SH3GL1: variants seen among roughly 807,000 people sequenced by gnomAD.
SH3GL1 encodes the protein SH3 domain containing GRB2 like 1, endophilin A2.
In SH3GL1, 21 loss-of-function variants were observed where a neutral mutation model predicts 48.8. The observed-to-expected ratio is 0.43, with a 90% CI of 0.30 to 0.62. The LOEUF (loss-of-function observed/expected upper bound fraction) is 0.62. Ranked by LOEUF, SH3GL1 falls within the 20% of genes least tolerant of loss-of-function variation. SH3GL1 has a pLI of 0.11. For synonymous variants in SH3GL1, 282 were observed against 217.5 expected (o/e 1.30, Z -2.61); for missense variants, 454 against 503.0 (o/e 0.90, Z 0.93).
chr19:4,375,385 G>A (rs761988684), intron 1 of SH3GL1, among the ~76,000 whole-genome samples: 2 of 152,244 alleles, frequency 1.3e-5, no homozygotes, highest in Non-Finnish European at 2.9e-5. Flanking sequence ...CACCAACCCT[G>A]GCTCTGCCTG....
At chr19:4,382,463 T>G (rs1973155202) in intron 1 of SH3GL1, among the ~76,000 whole-genome samples, 2 of 151,964 alleles carry the variant, frequency 1.3e-5, no homozygotes, top group Non-Finnish European at 1.5e-5. Flanking sequence ...TTCACCGTGT[T>G]AGCCAGGATG....
In SH3GL1 at chr19:4,378,248, G is replaced by A. The variant is rs187259567; in HGVS notation, c.46-11254C>T. ...TAACACATCAGAGCAAAGGTGTGCC[G>A]TAACGCCACGAGGCAAGCAGGCTGA... On this transcript the variant is annotated intron_variant, in intron 1 of 9. Coordinates refer to ENST00000269886, the MANE Select transcript of SH3GL1 (RefSeq NM_003025.4). Among the ~76,000 whole-genome samples, 24 of 152,312 alleles carry A rather than the reference G, an allele frequency of 1.6e-4. No homozygotes were observed. The East Asian group carries it at 1.7e-3, about 11-fold the overall frequency.
In SH3GL1 at chr19:4,365,632, T is replaced by C. The variant is rs745653428; in HGVS notation, c.188-7A>G. On this transcript the variant is annotated splice_region_variant and splice_polypyrimidine_tract_variant and intron_variant, in intron 3 of 9. Coordinates refer to ENST00000269886, the MANE Select transcript of SH3GL1 (RefSeq NM_003025.4). Reference sequence around the variant, plus strand: ...GTCAGCTTAGCCCGCGAGGCTGGGATAGGATGGCCAGGTGGGTGTGGGCTG... The same window carrying C: ...GTCAGCTTAGCCCGCGAGGCTGGGACAGGATGGCCAGGTGGGTGTGGGCTG... 9 of 1,613,656 alleles carry C rather than the reference T, an allele frequency of 5.6e-6. No homozygotes were observed. Among genetic ancestry groups the C allele is most frequent in the South Asian group, 2.2e-5 (2 of 91,094 alleles).
At chr19:4,391,522 C>G (rs988432670) in intron 1 of SH3GL1, among the ~76,000 whole-genome samples, 3 of 152,200 alleles carry the variant, frequency 2.0e-5, no homozygotes, top group African/African-American at 7.2e-5. Flanking sequence ...CTGGGACCTA[C>G]TGTACAGCAG....
chr19:4,361,725 G>A lies in SH3GL1; in HGVS notation c.982C>T (p.His328Tyr), dbSNP rs1349626134. The change falls in exon 10 of 10, where the codon CAT becomes TAT. Residue 328 changes from histidine (H) to tyrosine (Y), a missense_variant. Transcript: ENST00000269886. ...EPENDGELGFHEGDVITLTNQ... is the reference protein window; with the variant it reads ...EPENDGELGFYEGDVITLTNQ... ...GTCAGCGTGATGACGTCGCCCTCATGGAAGCCCAGCTCCCCGTCGTTCTCG... is the reference window on the plus strand; with the variant it reads ...GTCAGCGTGATGACGTCGCCCTCATAGAAGCCCAGCTCCCCGTCGTTCTCG... 6.2e-7 allele frequency: 1 copy of A among 1,613,278 alleles called. No individual in the cohort carries two copies.
chr19:4,382,253 CTTTTTTT>C (rs34085741), intron 1 of SH3GL1, among the ~76,000 whole-genome samples: 1 of 102,350 alleles, frequency 9.8e-6, no homozygotes, highest in Non-Finnish European at 1.9e-5. Flanking sequence ...GCTCCGCTTT[CTTTTTTT>C]TTTTTTTTTT....
intron 1 of SH3GL1, among the ~76,000 whole-genome samples, chr19:4,397,958 T>A (rs1230395711): frequency 1.3e-5 from 2 of 152,142 alleles, no homozygotes; most frequent in Admixed American, 1.3e-4. Context: ...GTGGTCCTCC[T>A]GCCTCAGCCT....
intron 1 of SH3GL1, among the ~76,000 whole-genome samples, chr19:4,381,762 G>A (rs1415924639): frequency 7.5e-6 from 1 of 133,368 alleles, no homozygotes; most frequent in African/African-American, 2.9e-5. Flanking sequence ...GCGCGATCTT[G>A]GCTCACTGCA....
Position 4,363,852 on chromosome 19 carries a change from G to A in SH3GL1, c.492C>T (p.Arg164=). Residue 164 remains arginine, a synonymous_variant, in exon 6 of 10, where the codon CGC becomes CGT. Coordinates refer to ENST00000269886, the MANE Select transcript of SH3GL1 (RefSeq NM_003025.4). The part of the protein sequence containing the change: ...IQHHLKKLEG[R]RLDFDYKKKR... The stretch of plus-strand genomic sequence containing the variant: ...TCTTCTTGTAGTCAAAGTCCAGGCG[G>A]CGGCCCTCCAGTTTCTTCAGGTGGT... The A allele has an allele frequency of 6.2e-7, 1 of 1,612,832 alleles. No homozygotes were observed. Among genetic ancestry groups the A allele is most frequent in the South Asian group, 1.1e-5 (1 of 91,036 alleles).
intron 1 of SH3GL1, among the ~76,000 whole-genome samples, chr19:4,373,113 G>A (rs576263597): frequency 8.7e-5 from 10 of 115,388 alleles, no homozygotes; most frequent in African/African-American, 1.1e-4. Context: ...GGAGGGGGAG[G>A]GAGAGGAGCA....
At chr19:4,381,058 C>CCT (rs1358690822) in intron 1 of SH3GL1, among the ~76,000 whole-genome samples, 1 of 143,928 alleles carries the variant, frequency 6.9e-6, no homozygotes, top group African/African-American at 2.6e-5. Flanking sequence ...GTTCCCCCAG[C>CCT]CTCTCTGTCC....
At chr19:4,399,980 G>A (rs982960359) in intron 1 of SH3GL1, among the ~76,000 whole-genome samples, 1 of 152,194 alleles carries the variant, frequency 6.6e-6, no homozygotes, top group African/African-American at 2.4e-5. Flanking sequence ...TCTGGCAAGA[G>A]TCCTGTGTCG....
chr19:4,368,384 C>T (rs1004655906), intron 1 of SH3GL1, among the ~76,000 whole-genome samples: 2 of 152,184 alleles, frequency 1.3e-5, no homozygotes, highest in Admixed American at 1.3e-4. Flanking sequence ...TGGGGCTCTG[C>T]CCACGCCAGG....
At position 4,364,353 on chromosome 19, in the gene SH3GL1, G is replaced by A. The variant is rs916548742; in HGVS notation, c.332-132C>T. 1.0e-5 allele frequency: 12 copies of A among 1,183,028 alleles called. No individual in the cohort carries two copies. The East Asian group carries it at 2.9e-4, about 28-fold the overall frequency. 73.3% of individuals were successfully genotyped at this position (1,183,028 alleles called of 1,614,324 possible). Reference sequence around the variant, plus strand: ...GTGGCGCTGTACCAGCTCACTGCAGGCCTCAAACTGGGCTCAAGCCATGCT... The same window carrying A: ...GTGGCGCTGTACCAGCTCACTGCAGACCTCAAACTGGGCTCAAGCCATGCT... On this transcript the variant is annotated intron_variant, in intron 4 of 9. Coordinates refer to ENST00000269886, the MANE Select transcript of SH3GL1 (RefSeq NM_003025.4).
chr19:4,362,856 G>A, intron 7 of SH3GL1, 120 bp from the exon 8 acceptor site: 8 of 1,504,536 alleles, frequency 5.3e-6, no homozygotes, highest in Middle Eastern at 1.8e-4. Context: ...CCGTCAGTGG[G>A]GTTGTGACAC....
At position 4,360,808 on chromosome 19, in the gene SH3GL1, G is replaced by A; in HGVS notation, c.*792C>T. ...CCGTGTGAGGTGTGCTGGGGTGGGT[G>A]TGGGTGGCTGGTGGTGGCAGCTTGT... On this transcript the variant is annotated 3_prime_UTR_variant, in exon 10 of 10. Coordinates refer to ENST00000269886, the MANE Select transcript of SH3GL1 (RefSeq NM_003025.4). 1 of 234,178 alleles carries A rather than the reference G, an allele frequency of 4.3e-6. No individual in the cohort carries two copies. The highest frequency in any genetic ancestry group is 8.4e-6 in the Non-Finnish European group (1 of 118,630). The allele number at this position is 234,178 out of a possible 1,614,324, so 14.5% of individuals were successfully genotyped here.
chr19:4,378,082 G>A (rs1973047634), intron 1 of SH3GL1, among the ~76,000 whole-genome samples: 1 of 152,234 alleles, frequency 6.6e-6, no homozygotes, highest in Admixed American at 6.5e-5. Context: ...CAGGCACAGG[G>A]ACAGGGGTGG....
At chr19:4,385,117 A>AC (rs397968597) in intron 1 of SH3GL1, among the ~76,000 whole-genome samples, 26 of 151,296 alleles carry the variant, frequency 1.7e-4, no homozygotes, top group Non-Finnish European at 3.4e-4. Flanking sequence ...AAAAAAAAAA[A>AC]CTAGGGTACG....
chr19:4,361,805 G>A lies in SH3GL1; in HGVS notation c.911-9C>T, dbSNP rs374770483. ...CGGCTGGTCCAGGGGCGCTGGGGGC[G>A]GGAGCGGGCTGTGGGGCTGGGGCTG... On this transcript the variant is annotated splice_polypyrimidine_tract_variant and intron_variant, in intron 9 of 9. Transcript: ENST00000269886. 2.7e-5 allele frequency: 43 copies of A among 1,598,720 alleles called. No individual in the cohort carries two copies. The highest frequency in any genetic ancestry group is 3.3e-4 in the Middle Eastern group (2 of 6,064).
Sources: gnomAD v4.1 joint callset for allele counts (sites outside exome capture counted in the v4.1 genomes callset) on GRCh38, gnomAD v4.1.1 for gene constraint, MANE v1.5 for transcripts, NCBI Gene and HGNC (gene_info 2026-07-23, HGNC 2026-07-21) for gene names.